Variants in CREB5 observed in about 807,000 individuals in gnomAD.
The protein encoded by CREB5 is cAMP responsive element binding protein 5.
Under a neutral mutation model 57.1 loss-of-function variants are expected in CREB5, and 19 were observed. The ratio of observed to expected loss-of-function variants is 0.33; its 90% CI spans 0.23 to 0.49. The LOEUF (loss-of-function observed/expected upper bound fraction) is 0.49. CREB5 is among the 20% of genes least tolerant of loss of function. CREB5 has a pLI of 0.99. For synonymous variants in CREB5, 238 were observed against 238.3 expected, an observed-to-expected ratio of 1.00 and a Z score of 0.01; for missense variants, 579 against 671.6, an observed-to-expected ratio of 0.86 and a Z score of 1.52.
chr7:28,530,479 CTGAA>C (rs1793676058), intron 4 of CREB5, among the ~76,000 whole-genome samples: 1 of 152,124 alleles, frequency 6.6e-6, no homozygotes, highest in East Asian at 1.9e-4. Flanking sequence ...GAAACTGTGA[CTGAA>C]AAGCTGAAAA....
intron 1 of CREB5, among the ~76,000 whole-genome samples, chr7:28,465,533 C>T (rs543433808): frequency 1.3e-5 from 2 of 152,186 alleles, no homozygotes; most frequent in Non-Finnish European, 2.9e-5. Flanking sequence ...TTGTTCCACC[C>T]TGTTCTAAGA....
At chr7:28,353,339 A>G (rs192777676) in intron 1 of CREB5, among the ~76,000 whole-genome samples, 329 of 152,240 alleles carry the variant, frequency 2.2e-3, no homozygotes, top group Non-Finnish European at 2.5e-3. Context: ...GTCCTGTCCT[A>G]GATCCCATAC....
intron 7 of CREB5, among the ~76,000 whole-genome samples, chr7:28,750,143 C>T (rs1804898976): frequency 6.6e-6 from 1 of 151,888 alleles, no homozygotes. Flanking sequence ...ATATATGTGG[C>T]ATATCTTTAT....
intron 4 of CREB5, among the ~76,000 whole-genome samples, chr7:28,551,907 T>TTTC: frequency 6.7e-6 from 1 of 149,530 alleles, no homozygotes; most frequent in African/African-American, 2.5e-5. Context: ...TTCTCTTTTC[T>TTTC]TTTCTTTCTC....
At chr7:28,311,798 T>C (rs372180073) in intron 1 of CREB5, among the ~76,000 whole-genome samples, 1 of 152,206 alleles carries the variant, frequency 6.6e-6, no homozygotes, top group South Asian at 2.1e-4. Flanking sequence ...AACTAACCAG[T>C]GCATGGAGTT....
chr7:28,325,857 G>A (rs535072585), intron 1 of CREB5, among the ~76,000 whole-genome samples: 1 of 152,280 alleles, frequency 6.6e-6, no homozygotes, highest in Admixed American at 6.5e-5. Context: ...CTAGCATTAT[G>A]CATTTTGATG....
intron 1 of CREB5, among the ~76,000 whole-genome samples, chr7:28,361,184 T>A (rs1304328466): frequency 6.6e-6 from 1 of 152,184 alleles, no homozygotes; most frequent in African/African-American, 2.4e-5. Context: ...GGAGGTTGAA[T>A]AAAGCAGCGC....
intron 1 of CREB5, among the ~76,000 whole-genome samples, chr7:28,454,907 C>A (rs1790021096): frequency 6.6e-6 from 1 of 152,174 alleles, no homozygotes; most frequent in South Asian, 2.1e-4. Context: ...CACATGGATG[C>A]TGAAGTTGTG....
chr7:28,639,713 C>T (rs73081861), intron 5 of CREB5, among the ~76,000 whole-genome samples: 8 of 152,208 alleles, frequency 5.3e-5, no homozygotes, highest in Non-Finnish European at 1.2e-4. Flanking sequence ...GTCTTATCTG[C>T]TATGTAGGAG....
chr7:28,559,688 T>C (rs568484745), intron 4 of CREB5, among the ~76,000 whole-genome samples: 46 of 152,372 alleles, frequency 3.0e-4, no homozygotes, highest in African/African-American at 1.1e-3. Flanking sequence ...GGAAATTGTC[T>C]ATCAGTTGCT....
At chr7:28,451,077 A>C (rs932606194) in intron 1 of CREB5, among the ~76,000 whole-genome samples, 2 of 152,196 alleles carry the variant, frequency 1.3e-5, no homozygotes, top group Non-Finnish European at 2.9e-5. Flanking sequence ...GTATGCCAGC[A>C]CTGGCTGTGA....
At chr7:28,391,905 T>A (rs1404564901) in intron 1 of CREB5, among the ~76,000 whole-genome samples, 3 of 152,194 alleles carry the variant, frequency 2.0e-5, no homozygotes, top group Admixed American at 6.5e-5. Context: ...AGGACATCTC[T>A]CCTTTCCTAA....
chr7:28,741,904 A>G (rs1804373978), intron 7 of CREB5, among the ~76,000 whole-genome samples: 3 of 151,732 alleles, frequency 2.0e-5, no homozygotes, highest in Non-Finnish European at 4.4e-5. Context: ...TGTCTCTACT[A>G]AAAATACAAA....
chr7:28,589,374 G>A (rs1796412981), intron 5 of CREB5, among the ~76,000 whole-genome samples: 2 of 152,078 alleles, frequency 1.3e-5, no homozygotes, highest in African/African-American at 4.8e-5. Flanking sequence ...CTAACACAGT[G>A]AAACCCCATC....
At chr7:28,521,541 T>C (rs1229182402) in intron 4 of CREB5, among the ~76,000 whole-genome samples, 4 of 152,228 alleles carry the variant, frequency 2.6e-5, no homozygotes, top group Admixed American at 2.0e-4. Context: ...CCCTGCTCTT[T>C]TTATTATCTT....
intron 1 of CREB5, among the ~76,000 whole-genome samples, chr7:28,369,754 G>A (rs941237008): frequency 2.6e-5 from 4 of 152,188 alleles, no homozygotes; most frequent in Non-Finnish European, 4.4e-5. Context: ...CAGGAGACCA[G>A]GACTTCTATG....
intron 5 of CREB5, among the ~76,000 whole-genome samples, chr7:28,571,557 G>C (rs186459045): frequency 3.0e-4 from 45 of 152,246 alleles, no homozygotes; most frequent in Admixed American, 1.2e-3. Context: ...TCCTGTCATT[G>C]AACACCAGAT....
At chr7:28,764,083 G>A (rs1357732271) in intron 7 of CREB5, among the ~76,000 whole-genome samples, 2 of 152,090 alleles carry the variant, frequency 1.3e-5, no homozygotes, top group Non-Finnish European at 2.9e-5. Context: ...GATTACAGGT[G>A]TGAGCCACCA....
chr7:28,791,884 A>G (rs1456267678), intron 7 of CREB5, among the ~76,000 whole-genome samples: 2 of 152,202 alleles, frequency 1.3e-5, no homozygotes, highest in African/African-American at 4.8e-5. Flanking sequence ...CACCCCCATT[A>G]CTTGTGTTGT....
Sources: gnomAD v4.1 joint callset for allele counts (sites outside exome capture counted in the v4.1 genomes callset) on GRCh38, gnomAD v4.1.1 for gene constraint, MANE v1.5 for transcripts, NCBI Gene and HGNC (gene_info 2026-07-23, HGNC 2026-07-21) for gene names.